The following CXorf58 variants were observed in gnomAD, a reference collection of about 807,000 sequenced individuals.
CXorf58 encodes chromosome X open reading frame 58, also known as uncharacterized protein CXorf58.
A neutral mutation model predicts 26.0 loss-of-function variants in CXorf58; 24 were observed. The ratio of observed to expected loss-of-function variants is 0.92; its 90% CI spans 0.67 to 1.30. CXorf58 has a LOEUF of 1.30. Among genes scored for constraint, CXorf58 ranks in the 50% most tolerant of loss-of-function variants. The pLI is 0.00. For synonymous variants in CXorf58, 87 were observed against 86.1 expected, an observed-to-expected ratio of 1.01 and a Z score of -0.06; for missense variants, 236 against 263.9, an observed-to-expected ratio of 0.89 and a Z score of 0.73.
intron 6 of CXorf58, among the ~76,000 whole-genome samples, chrX:23,933,480 G>A (rs1303461999): frequency 9.0e-6 from 1 of 111,681 alleles, no homozygotes; most frequent in Non-Finnish European, 1.9e-5. Flanking sequence ...ATACTCCAAA[G>A]GAAAATAGTG....
intron 3 of CXorf58, 95 bp downstream of exon 3, chrX:23,911,951 C>CT: frequency 1.7e-6 from 1 of 576,960 alleles, no homozygotes; most frequent in Admixed American, 3.8e-5. Context: ...TCTTTATCTC[C>CT]TCTTTTTTTT....
chrX:23,916,395 C>A, intron 5 of CXorf58, 67 bp downstream of exon 5: 1 of 656,560 alleles, frequency 1.5e-6, no homozygotes, highest in Non-Finnish European at 2.4e-6. Context: ...ATCTGAATTG[C>A]ATTCAAATTA....
intron 7 of CXorf58, among the ~76,000 whole-genome samples, chrX:23,937,387 C>T (rs1033909045): frequency 1.4e-4 from 15 of 110,284 alleles, no homozygotes; most frequent in East Asian, 2.8e-4. Context: ...TTGACCTCCC[C>T]TGCACATGGG....
chrX:23,930,196 C>CCA (rs1928128205), intron 6 of CXorf58, among the ~76,000 whole-genome samples: 1 of 36,778 alleles, frequency 2.7e-5, no homozygotes, highest in Non-Finnish European at 4.3e-5. Context: ...GACTCTGTCT[C>CCA]AAAAAAAAAA....
chrX:23,910,340 T>C lies in CXorf58; in HGVS notation c.38T>C (p.Leu13Pro). 3.3e-6 allele frequency: 4 copies of C among 1,197,771 alleles called. No individual in the cohort carries two copies. Among genetic ancestry groups the C allele is most frequent in the Admixed American group, 2.2e-5 (1 of 44,972 alleles). Residue 13 changes from leucine to proline, a missense_variant, in exon 2 of 9, where the codon CTG becomes CCG. By Grantham distance (98) the Leu-to-Pro change is moderately conservative. Coordinates refer to ENST00000379211, the MANE Select transcript of CXorf58 (RefSeq NM_152761.3). ...TCAAATGTACCACGTAAAGGTATTCTGAAATCAGGTACAAGATCCTTACAA... is the reference window on the plus strand; with the variant it reads ...TCAAATGTACCACGTAAAGGTATTCCGAAATCAGGTACAAGATCCTTACAA... ...RSSNVPRKGILKSGTRSLQKV... is the reference protein window; with the variant it reads ...RSSNVPRKGIPKSGTRSLQKV...
At chrX:23,930,212 A>G (rs1264996036) in intron 6 of CXorf58, among the ~76,000 whole-genome samples, 2 of 106,824 alleles carry the variant, frequency 1.9e-5, no homozygotes, top group Non-Finnish European at 3.9e-5. Context: ...AAAAAAAAAA[A>G]AAAAAGAAAA....
chrX:23,908,076 A>G lies in CXorf58; in HGVS notation c.-274A>G, dbSNP rs1425154235. The G allele has an allele frequency of 6.8e-6, 1 of 147,281 alleles. No homozygotes were observed. The highest frequency in any genetic ancestry group is 1.3e-5 in the Non-Finnish European group (1 of 75,781). 12.1% of individuals were successfully genotyped at this position (147,281 alleles called of 1,213,427 possible). A position where few individuals can be genotyped will look rare whatever the true frequency, so the allele number is the denominator to read the frequency against. On this transcript the variant is annotated 5_prime_UTR_variant, in exon 1 of 9. Transcript: ENST00000379211. ...CGCGGCGCTGGGAAACTGTCTTTGC[A>G]GCGGCGACTGGGCGCCCAGCGGCGT...
intron 2 of CXorf58, among the ~76,000 whole-genome samples, chrX:23,911,313 T>C (rs1353707456): frequency 1.8e-5 from 2 of 111,327 alleles, no homozygotes; most frequent in East Asian, 5.6e-4. Context: ...TAGGGCATAG[T>C]CATCCACCCC....
chrX:23,925,093 T>G (rs925902385), intron 5 of CXorf58, among the ~76,000 whole-genome samples: 1 of 111,939 alleles, frequency 8.9e-6, no homozygotes, highest in Non-Finnish European at 1.9e-5. Flanking sequence ...CTAAACTGTT[T>G]GTCTCTTCAG....
rs1456019989 is a variant in CXorf58, at chrX:23,916,293, T to C, written c.388T>C (p.Phe130Leu). The C allele has an allele frequency of 8.4e-7, 1 of 1,194,543 alleles. No individual in the cohort carries two copies. Among genetic ancestry groups the C allele is most frequent in the African/African-American group, 1.8e-5 (1 of 56,719 alleles). ...LHTDGHGYKY[F>L]SGKNVLMPSS... ...TACTGATGGCCATGGTTACAAGTAT[T>C]TTAGTGGAAAAAATGTATTAATGCC... is the stretch of plus-strand genomic sequence containing the variant. The change falls in exon 5 of 9, where the codon TTT (phenylalanine) becomes CTT (leucine). Residue 130 changes from phenylalanine to leucine, a missense_variant. Phe to Leu is a conservative substitution (Grantham distance 22, BLOSUM62 0). Coordinates refer to ENST00000379211, the MANE Select transcript of CXorf58 (RefSeq NM_152761.3).
At position 23,935,435 on chromosome X, in the gene CXorf58, A is replaced by T; in HGVS notation, c.785+10A>T. ...TTGTTTCTGAAATTAGGTAAAACAG[A>T]TTCTTCACTGGGGTTACAATACTAG... On this transcript the variant is annotated intron_variant, in intron 7 of 8. Coordinates refer to ENST00000379211, the MANE Select transcript of CXorf58 (RefSeq NM_152761.3). 13 of 1,094,681 alleles carry T rather than the reference A, an allele frequency of 1.2e-5. No individual in the cohort carries two copies. The highest frequency in any genetic ancestry group is 1.6e-5 in the Non-Finnish European group (13 of 789,896). The allele number at this position is 1,094,681 out of a possible 1,213,427, so 90.2% of individuals were successfully genotyped here.
intron 5 of CXorf58, among the ~76,000 whole-genome samples, chrX:23,923,941 C>CT (rs1446564389): frequency 9.0e-6 from 1 of 111,460 alleles, no homozygotes; most frequent in African/African-American, 3.3e-5. Flanking sequence ...TGGTGCACGC[C>CT]TGTAGTCCCA....
rs1230723502 is a variant in CXorf58 at position 23,927,320 on chromosome X, T to A, written c.505T>A (p.Ser169Thr). The change falls in exon 6 of 9, where the codon TCC (serine) becomes ACC (threonine). Residue 169 changes from serine to threonine, a missense_variant. Coordinates refer to ENST00000379211, the MANE Select transcript of CXorf58 (RefSeq NM_152761.3). ...IMEDERIFPKSKVTDIMDVVT... is the reference protein window; with the variant it reads ...IMEDERIFPKTKVTDIMDVVT... Reference sequence around the variant, plus strand: ...GGAAGATGAACGTATTTTCCCGAAGTCCAAAGTAACTGATATAATGGATGT... The same window carrying A: ...GGAAGATGAACGTATTTTCCCGAAGACCAAAGTAACTGATATAATGGATGT... 4.3e-6 allele frequency: 5 copies of A among 1,171,616 alleles called. No individual in the cohort carries two copies. Among genetic ancestry groups the A allele is most frequent in the Non-Finnish European group, 5.8e-6 (5 of 869,278 alleles).
chrX:23,911,856 G>A lies in CXorf58; in HGVS notation c.216G>A (p.Ala72=), dbSNP rs760447315. The A allele has an allele frequency of 6.9e-6, 8 of 1,163,384 alleles. No homozygotes were observed. The highest frequency in any genetic ancestry group is 4.6e-5 in the Admixed American group (2 of 43,390). The change falls in exon 3 of 9, where the codon GCG becomes GCA. Residue 72 remains alanine (A), a splice_region_variant and synonymous_variant. Transcript: ENST00000379211. ...TCCTAAAACACGCAATTTGTGCAGC[G>A]GTATGTATTTTGCTTATTTTTTTCT... ...FRLLKHAICA[A]EFYVTHEILK...
At chrX:23,929,405 C>CAAAAAA (rs1169185534) in intron 6 of CXorf58, among the ~76,000 whole-genome samples, 2 of 36,322 alleles carry the variant, frequency 5.5e-5, no homozygotes, top group East Asian at 8.3e-4. Flanking sequence ...GACTGTGTCT[C>CAAAAAA]AAAAAAAAAA....
intron 5 of CXorf58, among the ~76,000 whole-genome samples, chrX:23,921,792 A>C (rs1007587721): frequency 9.1e-6 from 1 of 110,340 alleles, no homozygotes; most frequent in African/African-American, 3.3e-5. Context: ...TCCCCCTCCC[A>C]GGCTCAAGCA....
chrX:23,932,076 C>A (rs1437591896), intron 6 of CXorf58, among the ~76,000 whole-genome samples: 2 of 112,227 alleles, frequency 1.8e-5, no homozygotes, highest in Non-Finnish European at 3.8e-5. Context: ...AAATAACTTA[C>A]CAAGAGTACT....
chrX:23,916,577 A>T (rs1410058816), intron 5 of CXorf58: 1 of 223,739 alleles, frequency 4.5e-6, no homozygotes, highest in African/African-American at 3.1e-5. Flanking sequence ...ATTTTTATGT[A>T]TTAAAATTTT....
chrX:23,934,147 T>C (rs1439848334), intron 6 of CXorf58, among the ~76,000 whole-genome samples: 1 of 112,113 alleles, frequency 8.9e-6, no homozygotes, highest in Non-Finnish European at 1.9e-5. Context: ...TTATCTGAGT[T>C]ATATTTGCCA....
Sources: gnomAD v4.1 joint callset for allele counts (sites outside exome capture counted in the v4.1 genomes callset) on GRCh38, gnomAD v4.1.1 for gene constraint, MANE v1.5 for transcripts, NCBI Gene and HGNC (gene_info 2026-07-23, HGNC 2026-07-21) for gene names.